HRH2: variants seen among roughly 807,000 people sequenced by gnomAD.
The protein encoded by HRH2 is histamine receptor H2.
A neutral mutation model predicts 20.1 loss-of-function variants in HRH2; 4 were observed. That is an observed-to-expected ratio of 0.20 (90% CI 0.10 to 0.45). The LOEUF (loss-of-function observed/expected upper bound fraction) is 0.45, where lower values mean the gene tolerates loss of function less well. Ranked by LOEUF, HRH2 falls within the 20% of genes least tolerant of loss-of-function variation. The probability of loss-of-function intolerance (pLI) is 0.99; values close to 1 mark genes in which losing one functional copy is unlikely to be tolerated. For synonymous variants in HRH2, 197 were observed against 200.7 expected, an observed-to-expected ratio of 0.98 and a Z score of 0.16; for missense variants, 250 against 461.6, an observed-to-expected ratio of 0.54 and a Z score of 4.20.
chr5:175,685,801 G>T (rs944316949), intron 2 of HRH2: 7 of 389,028 alleles, frequency 1.8e-5, no homozygotes, highest in Middle Eastern at 6.8e-4. Flanking sequence ...GTCCACGCTG[G>T]AGCGCTGAGC....
At chr5:175,705,235 C>A (rs1756909082) in intron 2 of HRH2, among the ~76,000 whole-genome samples, 1 of 152,132 alleles carries the variant, frequency 6.6e-6, no homozygotes, top group African/African-American at 2.4e-5. Context: ...ATAGCCAAGT[C>A]TTTTCCAAAC....
intron 2 of HRH2, among the ~76,000 whole-genome samples, chr5:175,691,799 C>T (rs890511369): frequency 6.6e-6 from 1 of 151,358 alleles, no homozygotes; most frequent in Non-Finnish European, 1.5e-5. Context: ...AGGAGAATCA[C>T]TTGAACCTGG....
Position 175,693,360 on chromosome 5 carries a change from C to T in HRH2, c.1076+9051C>T, listed in dbSNP as rs929645752. ...CCTGGAGACAGGAAGTCGAGGTGGT[C>T]CCGACTGCCAAAAACTGGCACGTGG... On this transcript the variant is annotated intron_variant, in intron 2 of 2. Coordinates refer to ENST00000636584, the MANE Select transcript of HRH2 (RefSeq NM_001367711.1). The surrounding 1 kb of genome is among the most constrained non-coding windows in gnomAD (Gnocchi z 4.4). Among the ~76,000 whole-genome samples the T allele has an allele frequency of 1.3e-5, 2 of 152,192 alleles. No individual in the cohort carries two copies. The highest frequency in any genetic ancestry group is 4.8e-5 in the African/African-American group (2 of 41,436).
chr5:175,664,775 C>T (rs962447124), intron 1 of HRH2, among the ~76,000 whole-genome samples: 5 of 152,118 alleles, frequency 3.3e-5, no homozygotes, highest in Non-Finnish European at 7.4e-5. Flanking sequence ...GCTGAGGCTA[C>T]AGGAGAGCCC....
intron 2 of HRH2, among the ~76,000 whole-genome samples, chr5:175,699,820 G>A (rs546865234): frequency 3.9e-4 from 59 of 152,284 alleles, no homozygotes; most frequent in Middle Eastern, 3.4e-3. Flanking sequence ...TGATCCGCCC[G>A]CCTCAGCCTC....
chr5:175,700,654 C>T (rs891622722), intron 2 of HRH2, among the ~76,000 whole-genome samples: 2 of 151,974 alleles, frequency 1.3e-5, no homozygotes, highest in Admixed American at 6.6e-5. Context: ...CTTGGGAGGC[C>T]GAGGCAGACA....
chr5:175,678,083 C>T (rs1427978029), intron 1 of HRH2, among the ~76,000 whole-genome samples: 1 of 152,224 alleles, frequency 6.6e-6, no homozygotes, highest in Non-Finnish European at 1.5e-5. Context: ...CACCGTGATA[C>T]ATTCTGGCGG....
chr5:175,666,992 C>T (rs1165107140), intron 1 of HRH2, among the ~76,000 whole-genome samples: 1 of 151,356 alleles, frequency 6.6e-6, no homozygotes, highest in African/African-American at 2.5e-5. Context: ...TTTATTCTCC[C>T]AGGTTTTCTT....
At chr5:175,673,206 C>T (rs551406530) in intron 1 of HRH2, among the ~76,000 whole-genome samples, 22 of 152,008 alleles carry the variant, frequency 1.4e-4, no homozygotes, top group Admixed American at 7.9e-4. Context: ...AGGACTAGGA[C>T]GGGGGCAGCT....
Position 175,708,270 on chromosome 5 carries a change from G to A in HRH2, c.*299G>A, listed in dbSNP as rs1009123222. 6 of 281,844 alleles carry A rather than the reference G, an allele frequency of 2.1e-5. No individual in the cohort carries two copies. Among genetic ancestry groups the A allele is most frequent in the South Asian group, 1.7e-4 (1 of 5,944 alleles). The allele number at this position is 281,844 out of a possible 1,614,324, so 17.5% of individuals were successfully genotyped here. On this transcript the variant is annotated 3_prime_UTR_variant, in exon 3 of 3. Transcript: ENST00000636584. ...CATGAGCAGAGACGGTGGGACAGAC[G>A]GGGATGCGTGCACATGTGTGTGCAT... is the stretch of plus-strand genomic sequence containing the variant.
chr5:175,686,591 G>A lies in HRH2; in HGVS notation c.1076+2282G>A, dbSNP rs1335770043. On this transcript the variant is annotated intron_variant, in intron 2 of 2. Transcript: ENST00000636584. This position sits in a 1 kb window ranked among gnomAD's most constrained non-coding sequence, Gnocchi z 4.7. ...AAGAAGCTGACTGGTCAGATTCAGA[G>A]CCACACATGCCAAGGATTGAAGCCC... Among the ~76,000 whole-genome samples the A allele has an allele frequency of 2.0e-5, 3 of 152,218 alleles. No individual in the cohort carries two copies. The highest frequency in any genetic ancestry group is 4.4e-5 in the Non-Finnish European group (3 of 68,036).
In HRH2 at chr5:175,683,221, G is replaced by C; in HGVS notation, c.-13G>C. ...GGGGCCCTGATCAGGGGACTGAGCC[G>C]TAGAGTCCCAGGATGGCACCCAATG... On this transcript the variant is annotated 5_prime_UTR_variant, in exon 2 of 3. Coordinates refer to ENST00000636584, the MANE Select transcript of HRH2 (RefSeq NM_001367711.1). 6.2e-7 allele frequency: 1 copy of C among 1,609,110 alleles called. No homozygotes were observed. Among genetic ancestry groups the C allele is most frequent in the East Asian group, 2.2e-5 (1 of 44,772 alleles).
intron 2 of HRH2, chr5:175,704,021 T>C (rs1756865990): frequency 6.6e-6 from 1 of 152,024 alleles, no homozygotes; most frequent in South Asian, 2.1e-4. Context: ...ATACATAATA[T>C]GAATAAAACA....
Position 175,685,260 on chromosome 5 carries a change from T to C in HRH2, c.1076+951T>C, listed in dbSNP as rs1756131003. On this transcript the variant is annotated intron_variant, in intron 2 of 2. Transcript: ENST00000636584. ...CTTAAGGGAAACCACACCAAAGACC[T>C]GAGTGGCACCGAGGAAGCTCGCTGT... The C allele has an allele frequency of 1.9e-5, 12 of 627,068 alleles. No individual in the cohort carries two copies. The South Asian group carries it at 2.2e-4, about 11-fold the overall frequency. The allele number at this position is 627,068 out of a possible 1,614,324, so 38.8% of individuals were successfully genotyped here.
chr5:175,684,183 T>A lies in HRH2; in HGVS notation c.950T>A (p.Leu317Gln), dbSNP rs755272739. Reference sequence around the variant, plus strand: ...AACCGCAACTCCCACAAAACTTCTCTGAGGTCCAACGCCTCTCAGCTGTCC... The same window carrying A: ...AACCGCAACTCCCACAAAACTTCTCAGAGGTCCAACGCCTCTCAGCTGTCC... Reference protein sequence around the residue: ...LANRNSHKTSLRSNASQLSRT... With the variant: ...LANRNSHKTSQRSNASQLSRT... Residue 317 changes from leucine to glutamine, a missense_variant, in exon 2 of 3, where the codon CTG becomes CAG. By Grantham distance (113) the Leu-to-Gln change is moderately radical. Coordinates refer to ENST00000636584, the MANE Select transcript of HRH2 (RefSeq NM_001367711.1). 6.2e-7 allele frequency: 1 copy of A among 1,614,036 alleles called. No homozygotes were observed. Among genetic ancestry groups the A allele is most frequent in the Non-Finnish European group, 8.5e-7 (1 of 1,180,022 alleles).
Position 175,693,083 on chromosome 5 carries a change from G to C in HRH2, c.1076+8774G>C, listed in dbSNP as rs1756442517. Among the ~76,000 whole-genome samples the C allele has an allele frequency of 6.6e-6, 1 of 152,194 alleles. No individual in the cohort carries two copies. The highest frequency in any genetic ancestry group is 2.4e-5 in the African/African-American group (1 of 41,450). ...GCCACAGATTGGCTGTGTGAGCTTG[G>C]AGAGATCGCATCCCTCTCTGAGTCC... On this transcript the variant is annotated intron_variant, in intron 2 of 2. Coordinates refer to ENST00000636584, the MANE Select transcript of HRH2 (RefSeq NM_001367711.1). This position sits in a 1 kb window ranked among gnomAD's most constrained non-coding sequence, Gnocchi z 4.4.
chr5:175,676,699 C>T lies in HRH2; in HGVS notation c.-525-6010C>T, dbSNP rs1057479173. Among the ~76,000 whole-genome samples, 5 of 152,188 alleles carry T rather than the reference C, an allele frequency of 3.3e-5. 1 individual carries two copies. The highest frequency in any genetic ancestry group is 2.1e-4 in the South Asian group (1 of 4,834). On this transcript the variant is annotated intron_variant, in intron 1 of 2. Coordinates refer to ENST00000636584, the MANE Select transcript of HRH2 (RefSeq NM_001367711.1). ...TATCTATCACCCAAATAATGTATAT[C>T]GTACTTATTAAGTAATTTCTTATCA... is the stretch of plus-strand genomic sequence containing the variant.
At chr5:175,702,740 T>G (rs995346314) in intron 2 of HRH2, among the ~76,000 whole-genome samples, 4 of 149,252 alleles carry the variant, frequency 2.7e-5, no homozygotes, top group African/African-American at 5.0e-5. Context: ...TTTTTTTTTT[T>G]TGTATTTTTA....
intron 1 of HRH2, among the ~76,000 whole-genome samples, chr5:175,669,302 G>A (rs556311385): frequency 1.3e-5 from 2 of 151,744 alleles, no homozygotes; most frequent in East Asian, 3.9e-4. Context: ...GTTCGTTCAT[G>A]TGAATATTTT....
Sources: gnomAD v4.1 joint callset for allele counts (sites outside exome capture counted in the v4.1 genomes callset) on GRCh38, gnomAD v4.1.1 for gene constraint, Gnocchi (gnomAD v3.1) non-coding constraint, MANE v1.5 for transcripts, NCBI Gene and HGNC (gene_info 2026-07-23, HGNC 2026-07-21) for gene names.